The following FAT4 variants were observed in gnomAD, a reference collection of about 807,000 sequenced individuals.
The protein encoded by FAT4 is protocadherin Fat 4.
A neutral mutation model predicts 303.9 loss-of-function variants in FAT4; 84 were observed. That is an observed-to-expected ratio of 0.28 (90% CI 0.23 to 0.33). The LOEUF is 0.33. Ranked by LOEUF, FAT4 falls within the 10% of genes least tolerant of loss-of-function variation. FAT4 has a pLI of 1.00. For missense variants in FAT4, 6,005 were observed against 6,146.8 expected (o/e 0.98, Z 0.77); for synonymous variants, 2,307 against 2,298.8 (o/e 1.00, Z -0.10).
chr4:125,415,879 A>G, intron 6 of FAT4, 73 bp downstream of exon 6: 1 of 1,144,736 alleles, frequency 8.7e-7, no homozygotes, highest in Non-Finnish European at 1.2e-6. Flanking sequence ...CCTCTTCTAC[A>G]GCGTTTACGC....
intron 6 of FAT4, 25 bp downstream of exon 6, chr4:125,415,831 T>A: frequency 6.5e-7 from 1 of 1,542,326 alleles, no homozygotes; most frequent in Non-Finnish European, 8.8e-7. Context: ...ATAAAGCAAG[T>A]ATTGTCTTAA....
In FAT4 at chr4:125,319,909, T is replaced by C; in HGVS notation, c.3498T>C (p.Leu1166=). 6.2e-7 allele frequency: 1 copy of C among 1,614,068 alleles called. No individual in the cohort carries two copies. The highest frequency in any genetic ancestry group is 1.3e-5 in the African/African-American group (1 of 75,040). ...TNTHQFDRES[L]MRRRGTAVFS... is the part of the protein sequence containing the mutation. ...CTCATCAGTTTGACAGGGAGTCTCT[T>C]ATGAGGCGGAGAGGGACTGCTGTGT... Residue 1166 remains leucine, a synonymous_variant, in exon 2 of 18, where the codon CTT becomes CTC. Transcript: ENST00000394329.
chr4:125,427,906 A>G (rs867351161), intron 7 of FAT4, among the ~76,000 whole-genome samples: 9 of 152,336 alleles, frequency 5.9e-5, no homozygotes, highest in South Asian at 2.1e-4. Context: ...TCTTCCTGAC[A>G]TTTGAACTTC....
intron 2 of FAT4, among the ~76,000 whole-genome samples, chr4:125,392,442 T>G (rs1347610587): frequency 1.3e-5 from 2 of 152,222 alleles, no homozygotes; most frequent in African/African-American, 4.8e-5. Context: ...GTACAGTTTC[T>G]GTCTATCCTG....
At position 125,317,092 on chromosome 4, in the gene FAT4, G is replaced by T. The variant is rs989816448; in HGVS notation, c.681G>T (p.Glu227Asp). 1.2e-6 allele frequency: 2 copies of T among 1,613,868 alleles called. No individual in the cohort carries two copies. Among genetic ancestry groups the T allele is most frequent in the Admixed American group, 1.7e-5 (1 of 60,012 alleles). The change falls in exon 2 of 18, where the codon GAG (glutamate) becomes GAT (aspartate). Residue 227 changes from glutamate to aspartate, a missense_variant. Coordinates refer to ENST00000394329, the MANE Select transcript of FAT4 (RefSeq NM_001291303.3). The surrounding 1 kb of genome is among the most constrained non-coding windows in gnomAD (Gnocchi z 7.0). ...TGGTTGAGGTGGAGGACAAGGGTGA[G>T]CCTAAGCGGCGGGGCTACCTTCAGG... ...QLLVEVEDKG[E>D]PKRRGYLQVN...
At chr4:125,349,452 AG>A (rs1259495353) in intron 2 of FAT4, among the ~76,000 whole-genome samples, 1 of 151,650 alleles carries the variant, frequency 6.6e-6, no homozygotes, top group East Asian at 1.9e-4. Flanking sequence ...ATTAAATCAG[AG>A]TTGGTAGTTT....
intron 2 of FAT4, among the ~76,000 whole-genome samples, chr4:125,374,948 G>A (rs1184516140): frequency 6.6e-6 from 1 of 152,132 alleles, no homozygotes; most frequent in African/African-American, 2.4e-5. Flanking sequence ...AGGCTTGTTA[G>A]CATCAAGTAA....
At position 125,470,153 on chromosome 4, in the gene FAT4, G is replaced by A. The variant is rs150557817; in HGVS notation, c.12213+1334G>A. ...TATTTTGAAAGGAATCTTTTTTTCCGAGTAGTAGATCTTAACAGTAGGCTA... is the reference window on the plus strand; with the variant it reads ...TATTTTGAAAGGAATCTTTTTTTCCAAGTAGTAGATCTTAACAGTAGGCTA... On this transcript the variant is annotated intron_variant, in intron 12 of 17. Coordinates refer to ENST00000394329, the MANE Select transcript of FAT4 (RefSeq NM_001291303.3). Among the ~76,000 whole-genome samples the A allele has an allele frequency of 4.0e-3, 616 of 152,200 alleles. 1 individual carries two copies. Among genetic ancestry groups the A allele is most frequent in the African/African-American group, 8.2e-3 (339 of 41,540 alleles).
At chr4:125,421,237 A>G (rs1277496268) in intron 7 of FAT4, among the ~76,000 whole-genome samples, 1 of 152,126 alleles carries the variant, frequency 6.6e-6, no homozygotes, top group Non-Finnish European at 1.5e-5. Flanking sequence ...CCATTCGACA[A>G]TTCTTTTATA....
chr4:125,422,942 C>T (rs1049599114), intron 7 of FAT4, among the ~76,000 whole-genome samples: 1 of 152,142 alleles, frequency 6.6e-6, no homozygotes, highest in African/African-American at 2.4e-5. Context: ...TTCTTGGAAA[C>T]TGGAGCAAAG....
intron 12 of FAT4, among the ~76,000 whole-genome samples, chr4:125,473,876 T>C (rs1297494927): frequency 1.3e-5 from 2 of 152,018 alleles, no homozygotes; most frequent in African/African-American, 2.4e-5. Flanking sequence ...ACTTGAGTCA[T>C]AGGAAAAATG....
At chr4:125,349,449 C>G (rs758152402) in intron 2 of FAT4, among the ~76,000 whole-genome samples, 1 of 151,568 alleles carries the variant, frequency 6.6e-6, no homozygotes, top group East Asian at 1.9e-4. Context: ...ACTATTAAAT[C>G]AGAGTTGGTA....
intron 2 of FAT4, among the ~76,000 whole-genome samples, chr4:125,349,660 A>G (rs1010114932): frequency 6.6e-6 from 1 of 151,752 alleles, no homozygotes; most frequent in African/African-American, 2.4e-5. Context: ...ATATATGCCC[A>G]CTTTTAAATA....
chr4:125,377,580 T>G (rs1038441504), intron 2 of FAT4, among the ~76,000 whole-genome samples: 3 of 152,186 alleles, frequency 2.0e-5, no homozygotes, highest in Non-Finnish European at 2.9e-5. Context: ...CTTGAGTGGT[T>G]ATTCTGCTGT....
At chr4:125,388,684 G>A (rs1185080485) in intron 2 of FAT4, among the ~76,000 whole-genome samples, 1 of 152,164 alleles carries the variant, frequency 6.6e-6, no homozygotes, top group Non-Finnish European at 1.5e-5. Context: ...AGGAAAAATT[G>A]AAGTGGTTAC....
At position 125,320,602 on chromosome 4, in the gene FAT4, A is replaced by T. The variant is rs763688212; in HGVS notation, c.4191A>T (p.Arg1397Ser). 1.9e-6 allele frequency: 3 copies of T among 1,614,070 alleles called. No individual in the cohort carries two copies. The East Asian group carries it at 6.7e-5, about 36-fold the overall frequency. ...ATATAACAGCAAAAGACCAAGGAAG[A>T]CCTCCTCGTTCATCTACAATGTCAG... ...KLNITAKDQG[R>S]PPRSSTMSVV... Residue 1397 changes from arginine to serine, a missense_variant, in exon 2 of 18, where the codon AGA becomes AGT. Physicochemically the swap from Arg to Ser is moderately radical, Grantham distance 110 (BLOSUM62 -1). Coordinates refer to ENST00000394329, the MANE Select transcript of FAT4 (RefSeq NM_001291303.3).
chr4:125,369,964 A>G (rs1460826608), intron 2 of FAT4, among the ~76,000 whole-genome samples: 1 of 151,820 alleles, frequency 6.6e-6, no homozygotes, highest in African/African-American at 2.4e-5. Context: ...CTTTTTTTTT[A>G]AAGACCGAAT....
chr4:125,380,226 G>A (rs1409202486), intron 2 of FAT4, among the ~76,000 whole-genome samples: 1 of 152,144 alleles, frequency 6.6e-6, no homozygotes, highest in Admixed American at 6.6e-5. Context: ...AATGCAGATA[G>A]TTACCTACTA....
intron 2 of FAT4, among the ~76,000 whole-genome samples, chr4:125,351,001 A>G (rs769759839): frequency 6.6e-6 from 1 of 151,690 alleles, no homozygotes; most frequent in Non-Finnish European, 1.5e-5. Flanking sequence ...GGGTATGATG[A>G]CTGAGGTTTC....
Sources: allele counts gnomAD v4.1 joint callset (sites outside exome capture counted in the v4.1 genomes callset), GRCh38; gene constraint gnomAD v4.1.1; non-coding constraint Gnocchi (gnomAD v3.1); transcripts MANE v1.5; gene names NCBI Gene and HGNC (gene_info 2026-07-23, HGNC 2026-07-21).